Variants in DOCK9 observed in about 807,000 individuals in gnomAD.
DOCK9 encodes dedicator of cytokinesis protein 9.
A neutral mutation model predicts 263.3 loss-of-function variants in DOCK9; 89 were observed. That is an observed-to-expected ratio of 0.34 (90% CI 0.28 to 0.40). DOCK9 has a LOEUF of 0.40. Ranked by LOEUF, DOCK9 falls within the 10% of genes least tolerant of loss-of-function variation. DOCK9 has a pLI of 1.00. For missense variants in DOCK9, 2,140 were observed against 2,603.4 expected (o/e 0.82, Z 3.87); for synonymous variants, 976 against 973.1 (o/e 1.00, Z -0.06).
chr13:98,919,111 T>C (rs898217163), intron 7 of DOCK9, among the ~76,000 whole-genome samples: 5 of 87,996 alleles, frequency 5.7e-5, no homozygotes, highest in African/African-American at 2.0e-4. Flanking sequence ...TGCTGGGCTG[T>C]TTCTCTTTTT....
intron 1 of DOCK9, among the ~76,000 whole-genome samples, chr13:98,989,230 T>A (rs959490925): frequency 1.3e-5 from 2 of 151,844 alleles, no homozygotes; most frequent in African/African-American, 4.8e-5. Flanking sequence ...CCAGCAAAAG[T>A]GAGGTGAAGC....
At chr13:98,939,793 A>G (rs1181129813) in intron 2 of DOCK9, among the ~76,000 whole-genome samples, 2 of 152,164 alleles carry the variant, frequency 1.3e-5, no homozygotes, top group Non-Finnish European at 2.9e-5. Context: ...CCATGTTCCA[A>G]AGTTATCTCT....
chr13:98,940,949 T>C (rs187798560), intron 2 of DOCK9, among the ~76,000 whole-genome samples: 3 of 152,294 alleles, frequency 2.0e-5, no homozygotes, highest in Admixed American at 2.0e-4. Flanking sequence ...TGACGCCTCA[T>C]TGCCACCAGA....
chr13:98,908,148 A>C (rs1358666058), intron 9 of DOCK9, among the ~76,000 whole-genome samples: 1 of 152,232 alleles, frequency 6.6e-6, no homozygotes, highest in Admixed American at 6.5e-5. Context: ...CAAGCAAGTC[A>C]GGAAGAAAAA....
intron 15 of DOCK9, 82 bp downstream of exon 15, chr13:98,897,406 C>CTAAG: frequency 6.4e-7 from 1 of 1,563,400 alleles, no homozygotes; most frequent in Non-Finnish European, 8.7e-7. Context: ...ATCGAGCAAC[C>CTAAG]TAAGTGACTG....
At chr13:98,875,553 C>T (rs996978410) in intron 27 of DOCK9, among the ~76,000 whole-genome samples, 1 of 152,198 alleles carries the variant, frequency 6.6e-6, no homozygotes, top group African/African-American at 2.4e-5. Context: ...ATGTGCTTCA[C>T]TCCATGTGGG....
upstream of DOCK9, among the ~76,000 whole-genome samples, chr13:98,982,348 A>G (rs1567168892): frequency 6.6e-6 from 1 of 152,098 alleles, no homozygotes; most frequent in Non-Finnish European, 1.5e-5. Context: ...GGAAGGAGTG[A>G]CTCTCTCTGT....
At chr13:99,060,283 T>C (rs2142283104) in intron 1 of DOCK9, among the ~76,000 whole-genome samples, 1 of 152,114 alleles carries the variant, frequency 6.6e-6, no homozygotes. Flanking sequence ...TTCACCGTGT[T>C]AGCCAGGATG....
chr13:99,023,019 T>C (rs756136040), intron 1 of DOCK9, among the ~76,000 whole-genome samples: 1 of 152,120 alleles, frequency 6.6e-6, no homozygotes, highest in Non-Finnish European at 1.5e-5. Context: ...CTGGTAGAAA[T>C]GTAAAATAGT....
In DOCK9 at chr13:98,883,682, T is replaced by C. The variant is rs889685317; in HGVS notation, c.2469+131A>G. On this transcript the variant is annotated intron_variant, in intron 22 of 52. Transcript: ENST00000682017. ...ACATATAAGCACTTCAGTTGTACTT[T>C]CTTTCTTTAGAAAAAGATCTATAGA... 3 of 581,936 alleles carry C rather than the reference T, an allele frequency of 5.2e-6. No homozygotes were observed. In the South Asian group the frequency reaches 8.2e-5, roughly 16 times the overall value. 36.0% of individuals were successfully genotyped at this position (581,936 alleles called of 1,614,324 possible). A position where few individuals can be genotyped will look rare whatever the true frequency, so the allele number is the denominator to read the frequency against.
chr13:98,935,640 C>T (rs1383957938), intron 2 of DOCK9, among the ~76,000 whole-genome samples: 12 of 152,138 alleles, frequency 7.9e-5, no homozygotes, highest in Admixed American at 3.3e-4. Context: ...TGATGGCGCA[C>T]GCCTGTAGTC....
At chr13:99,018,464 C>A (rs1784421578) in intron 1 of DOCK9, among the ~76,000 whole-genome samples, 1 of 152,208 alleles carries the variant, frequency 6.6e-6, no homozygotes, top group African/African-American at 2.4e-5. Flanking sequence ...TTACAAATTA[C>A]CCTGTTTGTG....
At position 98,825,974 on chromosome 13, in the gene DOCK9, G is replaced by T; in HGVS notation, c.5023+856C>A. The T allele has an allele frequency of 6.8e-7, 1 of 1,465,470 alleles. No individual in the cohort carries two copies. Among genetic ancestry groups the T allele is most frequent in the Non-Finnish European group, 9.1e-7 (1 of 1,099,616 alleles). 90.8% of individuals were successfully genotyped at this position (1,465,470 alleles called of 1,614,324 possible). ...GAGGAAATGCATCACCTGATAAAAGGTCTCAACAGGAAATAGTACCGGTAT... is the reference window on the plus strand; with the variant it reads ...GAGGAAATGCATCACCTGATAAAAGTTCTCAACAGGAAATAGTACCGGTAT... On this transcript the variant is annotated intron_variant, in intron 44 of 52. Transcript: ENST00000682017. The surrounding 1 kb of genome is among the most constrained non-coding windows in gnomAD (Gnocchi z 4.1).
chr13:98,924,202 C>G (rs1349118982), intron 4 of DOCK9, among the ~76,000 whole-genome samples: 2 of 152,160 alleles, frequency 1.3e-5, no homozygotes, highest in East Asian at 3.9e-4. Context: ...GGCTACCCAT[C>G]TGGAGAAGAT....
In DOCK9 at chr13:98,972,495, C is replaced by A. The variant is rs116510649; in HGVS notation, c.126+5289G>T. ...TGAGGTAGGGAACAAACTGCTGAAG[C>A]CCCATGTCTGAGATCATTTTCCAGG... On this transcript the variant is annotated intron_variant, in intron 1 of 52. Coordinates refer to ENST00000682017, the MANE Select transcript of DOCK9 (RefSeq NM_001366683.2). Among the ~76,000 whole-genome samples the A allele has an allele frequency of 5.1e-3, 775 of 152,236 alleles. 5 individuals are homozygous for A. The highest frequency in any genetic ancestry group is 0.018 in the African/African-American group (727 of 41,528).
chr13:98,977,035 A>G (rs527476331), intron 1 of DOCK9, among the ~76,000 whole-genome samples: 18 of 152,318 alleles, frequency 1.2e-4, no homozygotes, highest in Admixed American at 6.5e-4. Flanking sequence ...TCTGCAGGGC[A>G]TGTTGGTGGT....
chr13:99,036,212 T>A (rs1416426090), intron 1 of DOCK9, among the ~76,000 whole-genome samples: 1 of 152,214 alleles, frequency 6.6e-6, no homozygotes, highest in African/African-American at 2.4e-5. Flanking sequence ...ACAAACGGAA[T>A]ATTTGTGCTC....
intron 4 of DOCK9, among the ~76,000 whole-genome samples, chr13:98,924,241 G>A (rs1470840609): frequency 6.6e-6 from 1 of 152,156 alleles, no homozygotes; most frequent in Admixed American, 6.5e-5. Context: ...TCCTGGCTGA[G>A]GTTTAAAAAG....
chr13:98,797,328 C>T, intron 51 of DOCK9, 61 bp downstream of exon 51: 1 of 1,608,512 alleles, frequency 6.2e-7, no homozygotes. Flanking sequence ...CATCTCCTTC[C>T]CGAATGAGTA....
Sources: allele counts gnomAD v4.1 joint callset (sites outside exome capture counted in the v4.1 genomes callset), GRCh38; gene constraint gnomAD v4.1.1; non-coding constraint Gnocchi (gnomAD v3.1); transcripts MANE v1.5; gene names NCBI Gene and HGNC (gene_info 2026-07-23, HGNC 2026-07-21).